PAX5: variants seen among roughly 807,000 people sequenced by gnomAD.
The protein encoded by PAX5 is paired box 5.
PAX5 carries 9 observed loss-of-function variants against 43.7 expected under a neutral mutation model. The observed-to-expected ratio is 0.21, with a 90% CI of 0.12 to 0.36. The LOEUF is 0.36. Ranked by LOEUF, PAX5 falls within the 10% of genes least tolerant of loss-of-function variation. The probability of loss-of-function intolerance (pLI) is 1.00; values close to 1 mark genes in which losing one functional copy is unlikely to be tolerated. For synonymous variants in PAX5, 228 were observed against 214.3 expected (o/e 1.06, Z -0.56); for missense variants, 383 against 532.7 (o/e 0.72, Z 2.77).
intron 6 of PAX5, among the ~76,000 whole-genome samples, chr9:36,963,280 GGA>G (rs1256345589): frequency 6.6e-6 from 1 of 152,190 alleles, no homozygotes; most frequent in Non-Finnish European, 1.5e-5. Context: ...TCATTCTGAA[GGA>G]CACTGGAGAT....
At chr9:36,931,223 G>C (rs1165421563) in intron 6 of PAX5, among the ~76,000 whole-genome samples, 3 of 152,248 alleles carry the variant, frequency 2.0e-5, no homozygotes, top group African/African-American at 7.2e-5. Context: ...AAGCTGGAGT[G>C]GGTGAGAGGT....
intron 6 of PAX5, among the ~76,000 whole-genome samples, chr9:36,926,999 G>A (rs1464974618): frequency 6.6e-6 from 1 of 152,168 alleles, no homozygotes; most frequent in African/African-American, 2.4e-5. Flanking sequence ...TCCCAAGACT[G>A]AGAACAGCCG....
chr9:36,876,290 A>T (rs1825906418), intron 8 of PAX5, among the ~76,000 whole-genome samples: 1 of 152,230 alleles, frequency 6.6e-6, no homozygotes, highest in Admixed American at 6.5e-5. Flanking sequence ...CAGTTTAGTG[A>T]GTGCCTCAAT....
chr9:36,872,030 A>C (rs1455002661), intron 8 of PAX5, among the ~76,000 whole-genome samples: 7 of 152,220 alleles, frequency 4.6e-5, no homozygotes, highest in Non-Finnish European at 1.0e-4. Flanking sequence ...GGAACAAATG[A>C]TGGTGATCTT....
At chr9:37,001,312 A>T (rs1837830918) in intron 5 of PAX5, among the ~76,000 whole-genome samples, 1 of 152,094 alleles carries the variant, frequency 6.6e-6, no homozygotes, top group African/African-American at 2.4e-5. Flanking sequence ...AGTCTCACAC[A>T]ATCTGTCCCT....
intron 8 of PAX5, among the ~76,000 whole-genome samples, chr9:36,874,582 C>T (rs1825755265): frequency 6.6e-6 from 1 of 152,226 alleles, no homozygotes; most frequent in Non-Finnish European, 1.5e-5. Context: ...ACACATGGTT[C>T]CCAGCCCAGC....
At chr9:36,982,896 A>C (rs1260432900) in intron 5 of PAX5, among the ~76,000 whole-genome samples, 3 of 148,508 alleles carry the variant, frequency 2.0e-5, no homozygotes, top group Non-Finnish European at 4.6e-5. Flanking sequence ...CATTCATTCC[A>C]GTGGTTGTCG....
chr9:37,007,540 G>A (rs1424950198), intron 3 of PAX5: 1 of 152,192 alleles, frequency 6.6e-6, no homozygotes, highest in Admixed American at 6.5e-5. Flanking sequence ...CAGCAGAACA[G>A]GGCCACGCGA....
At chr9:36,964,256 G>A (rs74920441) in intron 6 of PAX5, among the ~76,000 whole-genome samples, 20,132 of 151,384 alleles carry the variant, frequency 0.13, 1,473 homozygotes, top group African/African-American at 0.18. Context: ...ACTCCAGCCT[G>A]GGCGACACAA....
At chr9:36,843,169 G>C (rs1157591301) in intron 9 of PAX5, among the ~76,000 whole-genome samples, 3 of 152,040 alleles carry the variant, frequency 2.0e-5, no homozygotes, top group African/African-American at 4.8e-5. Context: ...GTTCTCGCCT[G>C]TTCCACAGAG....
Position 36,844,172 on chromosome 9 carries a change from C to CT in PAX5, c.1099+2670dup, listed in dbSNP as rs370197710. ...CCAGTCTCATCACTCACACACAGGT[C>CT]TGAGTATTCAGGACTCAGGACTCCC... On this transcript the variant is annotated intron_variant, in intron 9 of 9. Coordinates refer to ENST00000358127, the MANE Select transcript of PAX5 (RefSeq NM_016734.3). Among the ~76,000 whole-genome samples the CT allele has an allele frequency of 2.5e-3, 376 of 152,348 alleles. 1 individual carries two copies. Among genetic ancestry groups the CT allele is most frequent in the African/African-American group, 8.8e-3 (365 of 41,576 alleles).
intron 8 of PAX5, among the ~76,000 whole-genome samples, chr9:36,850,731 G>A (rs1436402941): frequency 1.3e-5 from 2 of 152,194 alleles, no homozygotes; most frequent in African/African-American, 2.4e-5. Flanking sequence ...AGTGAGACCC[G>A]CCTCTGGGAG....
chr9:36,854,428 TAC>T (rs902435725), intron 8 of PAX5, among the ~76,000 whole-genome samples: 12 of 152,176 alleles, frequency 7.9e-5, no homozygotes, highest in African/African-American at 1.2e-4. Context: ...GTTGGATGTG[TAC>T]ACACACACAT....
chr9:36,989,535 C>G (rs1564048974), intron 5 of PAX5, among the ~76,000 whole-genome samples: 1 of 152,222 alleles, frequency 6.6e-6, no homozygotes, highest in Non-Finnish European at 1.5e-5. Flanking sequence ...ATAGTTATCC[C>G]ATATTGCAGT....
intron 8 of PAX5, among the ~76,000 whole-genome samples, chr9:36,872,099 T>C (rs906004074): frequency 6.6e-6 from 1 of 152,190 alleles, no homozygotes; most frequent in African/African-American, 2.4e-5. Context: ...TCCTCCCAGG[T>C]GCACAAGCCC....
intron 4 of PAX5, among the ~76,000 whole-genome samples, chr9:37,005,536 T>A (rs1483577380): frequency 6.6e-6 from 1 of 152,188 alleles, no homozygotes; most frequent in African/African-American, 2.4e-5. Flanking sequence ...GAGAGAACTT[T>A]TACATTTTAC....
chr9:36,911,347 G>C (rs201269863), intron 7 of PAX5, among the ~76,000 whole-genome samples: 1 of 24,868 alleles, frequency 4.0e-5, no homozygotes, highest in African/African-American at 1.4e-4. Flanking sequence ...TTTTGAGATC[G>C]GGGGGGTCTC....
intron 1 of PAX5, among the ~76,000 whole-genome samples, chr9:37,024,228 G>A (rs558292719): frequency 4.4e-4 from 67 of 152,332 alleles, no homozygotes; most frequent in African/African-American, 1.6e-3. Flanking sequence ...CAGGAAGAGA[G>A]CAGGAGGTTA....
chr9:36,923,200 G>T, intron 7 of PAX5, 155 bp downstream of exon 7: 2 of 808,166 alleles, frequency 2.5e-6, no homozygotes, highest in Admixed American at 2.4e-5. Flanking sequence ...CTGCAACCCT[G>T]GCCCCAGCAC....
Sources: allele counts gnomAD v4.1 joint callset (sites outside exome capture counted in the v4.1 genomes callset), GRCh38; gene constraint gnomAD v4.1.1; transcripts MANE v1.5; gene names NCBI Gene and HGNC (gene_info 2026-07-23, HGNC 2026-07-21).